Variants in MID1 observed in about 807,000 individuals in gnomAD.
MID1 encodes the protein E3 ubiquitin-protein ligase Midline-1.
MID1 carries 7 observed loss-of-function variants against 40.4 expected under a neutral mutation model. That is an observed-to-expected ratio of 0.17 (90% CI 0.10 to 0.33). The LOEUF is 0.33. Among genes scored for constraint, MID1 ranks in the 10% least tolerant of loss-of-function variants. The pLI, the probability that MID1 is intolerant of heterozygous loss-of-function variation, is 1.00. For synonymous variants in MID1, 229 were observed against 221.2 expected (o/e 1.04, Z -0.31); for missense variants, 367 against 558.5 (o/e 0.66, Z 3.46).
At chrX:10,557,216 G>A (rs1286143076) in intron 2 of MID1, among the ~76,000 whole-genome samples, 1 of 111,545 alleles carries the variant, frequency 9.0e-6, no homozygotes, top group Non-Finnish European at 1.9e-5. Flanking sequence ...CATCTTCTAG[G>A]CAACTTATTT....
At chrX:10,504,369 T>C (rs1931716508) in intron 3 of MID1, among the ~76,000 whole-genome samples, 1 of 111,607 alleles carries the variant, frequency 9.0e-6, no homozygotes, top group Non-Finnish European at 1.9e-5. Context: ...ACCCCTGGGT[T>C]AGACTGTGGT....
At chrX:10,638,258 A>C (rs745411534) in intron 1 of MID1, among the ~76,000 whole-genome samples, 33 of 111,834 alleles carry the variant, frequency 3.0e-4, no homozygotes, top group Admixed American at 2.7e-3. Context: ...TTTCCTAGAA[A>C]AGGGAAGCCG....
At chrX:10,722,121 A>C (rs1370895897) in intron 1 of MID1, among the ~76,000 whole-genome samples, 1 of 111,934 alleles carries the variant, frequency 8.9e-6, no homozygotes, top group Non-Finnish European at 1.9e-5. Context: ...GCTGCAAAAA[A>C]AAAAATCACT....
intron 2 of MID1, among the ~76,000 whole-genome samples, chrX:10,538,695 G>A (rs1045137300): frequency 8.9e-6 from 1 of 112,021 alleles, no homozygotes; most frequent in Non-Finnish European, 1.9e-5. Context: ...ATTGTGCCAT[G>A]TCTACTGCTC....
At chrX:10,589,256 C>T (rs1935217162) in intron 1 of MID1, among the ~76,000 whole-genome samples, 1 of 111,896 alleles carries the variant, frequency 8.9e-6, no homozygotes, top group Non-Finnish European at 1.9e-5. Context: ...CCGGTACTGC[C>T]ACACCGTGGG....
At chrX:10,776,893 C>A (rs933524160) in intron 1 of MID1, among the ~76,000 whole-genome samples, 4 of 112,200 alleles carry the variant, frequency 3.6e-5, no homozygotes, top group Non-Finnish European at 5.6e-5. Flanking sequence ...TTGCTTACTT[C>A]CAATGATTTA....
intron 1 of MID1, among the ~76,000 whole-genome samples, chrX:10,766,263 C>T (rs1318728953): frequency 9.2e-6 from 1 of 108,927 alleles, no homozygotes; most frequent in East Asian, 2.8e-4. Flanking sequence ...GGTGTGCTAC[C>T]ATCATTTAGT....
chrX:10,503,124 G>T (rs1392176418), intron 3 of MID1, among the ~76,000 whole-genome samples: 1 of 111,432 alleles, frequency 9.0e-6, no homozygotes, highest in African/African-American at 3.3e-5. Flanking sequence ...CACTGACCAG[G>T]TGCAAAAAGA....
At position 10,636,785 on chromosome X, in the gene MID1, G is replaced by GAGATATATATATATATATATATATATAT. The variant is rs757390504; in HGVS notation, c.-186-16367_-186-16366insATATATATATATATATATATATATATCT. On this transcript the variant is annotated intron_variant, in intron 1 of 10. Coordinates refer to the MID1 transcript ENST00000380785. The stretch of plus-strand genomic sequence containing the variant: ...CAAACTGGGCCATTCCAACAATGGG[G>GAGATATATATATATATATATATATATAT]ATATATATATATATATATATATATA... Among the ~76,000 whole-genome samples, 19 of 42,719 alleles carry GAGATATATATATATATATATATATATAT rather than the reference G, an allele frequency of 4.4e-4. 1 individual carries two copies. Among genetic ancestry groups the GAGATATATATATATATATATATATATAT allele is most frequent in the Non-Finnish European group, 6.9e-4 (17 of 24,760 alleles). 37.1% of individuals were successfully genotyped at this position (42,719 alleles called of 115,157 possible).
At chrX:10,598,760 G>A (rs1935461281) in intron 1 of MID1, among the ~76,000 whole-genome samples, 1 of 111,508 alleles carries the variant, frequency 9.0e-6, no homozygotes, top group Non-Finnish European at 1.9e-5. Context: ...GAGCGAGCTT[G>A]GCAGCAAATT....
chrX:10,768,026 G>A (rs2043742820), intron 1 of MID1, among the ~76,000 whole-genome samples: 1 of 111,717 alleles, frequency 9.0e-6, no homozygotes, highest in African/African-American at 3.2e-5. Context: ...CTTTATAAAT[G>A]TACACTAACA....
At chrX:10,641,819 C>T (rs188670060) in intron 1 of MID1, among the ~76,000 whole-genome samples, 228 of 111,507 alleles carry the variant, frequency 2.0e-3, no homozygotes, top group African/African-American at 7.2e-3. Context: ...TTATCCACCG[C>T]GATCAAGTTG....
chrX:10,789,208 A>AAAT (rs2147138440), intron 1 of MID1, among the ~76,000 whole-genome samples: 1 of 107,593 alleles, frequency 9.3e-6, no homozygotes, highest in African/African-American at 3.3e-5. Flanking sequence ...ATAAATAAAT[A>AAAT]AATAAAGTCT....
At chrX:10,503,334 A>T (rs980247920) in intron 3 of MID1, among the ~76,000 whole-genome samples, 1 of 111,802 alleles carries the variant, frequency 8.9e-6, no homozygotes, top group African/African-American at 3.3e-5. Flanking sequence ...TGATATGTTT[A>T]TATGTAATCT....
At chrX:10,730,665 G>A (rs1460196923) in intron 1 of MID1, among the ~76,000 whole-genome samples, 1 of 102,117 alleles carries the variant, frequency 9.8e-6, no homozygotes, top group East Asian at 3.2e-4. Flanking sequence ...TCCGCCTCCC[G>A]TGTTCACGCC....
chrX:10,612,879 C>A (rs1178452622), intron 1 of MID1, among the ~76,000 whole-genome samples: 1 of 111,057 alleles, frequency 9.0e-6, no homozygotes, highest in Non-Finnish European at 1.9e-5. Flanking sequence ...TCCCTCATAC[C>A]TTGCTCCCAG....
chrX:10,722,510 C>CA (rs1458241985), intron 1 of MID1, among the ~76,000 whole-genome samples: 36 of 112,228 alleles, frequency 3.2e-4, no homozygotes, highest in African/African-American at 1.0e-3. Context: ...ATGAAAGCTA[C>CA]AAAAAATACC....
At chrX:10,546,041 T>C (rs959302071) in intron 2 of MID1, among the ~76,000 whole-genome samples, 2 of 111,048 alleles carry the variant, frequency 1.8e-5, no homozygotes, top group African/African-American at 6.6e-5. Flanking sequence ...CAATAGAACA[T>C]CCTACAGGGA....
At chrX:10,713,596 G>T (rs1259727247) in intron 1 of MID1, among the ~76,000 whole-genome samples, 2 of 112,653 alleles carry the variant, frequency 1.8e-5, no homozygotes. Context: ...CCAAAGTGCT[G>T]GGATTACAGG....
Sources: allele counts gnomAD v4.1 joint callset (sites outside exome capture counted in the v4.1 genomes callset), GRCh38; gene constraint gnomAD v4.1.1; transcripts MANE v1.5; gene names NCBI Gene and HGNC (gene_info 2026-07-23, HGNC 2026-07-21).